The following TBC1D19 variants were observed in gnomAD, a reference collection of about 807,000 sequenced individuals.
TBC1D19 encodes TBC1 domain family, member 19.
TBC1D19 carries 60 observed loss-of-function variants against 89.0 expected under a neutral mutation model. That is an observed-to-expected ratio of 0.67 (90% CI 0.55 to 0.84). TBC1D19 has a LOEUF of 0.84. TBC1D19 is among the 40% of genes least tolerant of loss of function. TBC1D19 has a pLI of 0.00. For missense variants in TBC1D19, 500 were observed against 610.8 expected, an observed-to-expected ratio of 0.82 and a Z score of 1.91; for synonymous variants, 189 against 199.7, an observed-to-expected ratio of 0.95 and a Z score of 0.45.
the TBC1D19 span, among the ~76,000 whole-genome samples, chr4:26,821,028 C>T: frequency 4.6e-5 from 7 of 152,330 alleles, no homozygotes; most frequent in African/African-American, 1.7e-4. Flanking sequence ...ATCCCTCTGG[C>T]CCCTACACTG....
chr4:26,686,039 GA>G (rs1053510819), intron 12 of TBC1D19, among the ~76,000 whole-genome samples: 46 of 152,198 alleles, frequency 3.0e-4, no homozygotes, highest in African/African-American at 9.6e-4. Context: ...TTTTTAGGAA[GA>G]TATCTGTCTC....
chr4:26,733,895 A>T (rs1560503116), intron 15 of TBC1D19, among the ~76,000 whole-genome samples: 1 of 152,158 alleles, frequency 6.6e-6, no homozygotes, highest in Non-Finnish European at 1.5e-5. Flanking sequence ...TAGTCAGCTC[A>T]CTTTAAGGAC....
chr4:26,628,140 G>C (rs1367402118), intron 4 of TBC1D19, among the ~76,000 whole-genome samples: 12 of 152,144 alleles, frequency 7.9e-5, no homozygotes, highest in Non-Finnish European at 1.6e-4. Flanking sequence ...TTATTAAATA[G>C]GGAATCCTTT....
In TBC1D19 at chr4:26,614,473, T is replaced by G; in HGVS notation, c.218+20T>G. The stretch of plus-strand genomic sequence containing the variant: ...GAGTGTGTGAGTTTTCCCACCTATT[T>G]TACAATAGTATTTTGTTTAGCTATA... On this transcript the variant is annotated intron_variant, in intron 3 of 20. Coordinates refer to ENST00000264866, the MANE Select transcript of TBC1D19 (RefSeq NM_018317.4). 1 of 1,571,278 alleles carries G rather than the reference T, an allele frequency of 6.4e-7. No individual in the cohort carries two copies. Among genetic ancestry groups the G allele is most frequent in the Non-Finnish European group, 8.7e-7 (1 of 1,155,902 alleles).
the TBC1D19 span, among the ~76,000 whole-genome samples, chr4:26,776,559 A>C: frequency 6.6e-6 from 1 of 152,184 alleles, no homozygotes; most frequent in Non-Finnish European, 1.5e-5. Context: ...TATATTGAAT[A>C]CCCACCATCT....
chr4:26,703,960 CA>C (rs11453747), intron 13 of TBC1D19, among the ~76,000 whole-genome samples: 10 of 114,230 alleles, frequency 8.8e-5, no homozygotes, highest in African/African-American at 2.0e-4. Context: ...GACTCCGTCT[CA>C]AAAAAAAAAA....
chr4:26,680,593 T>C (rs1294076493), intron 11 of TBC1D19, among the ~76,000 whole-genome samples: 1 of 152,190 alleles, frequency 6.6e-6, no homozygotes, highest in Non-Finnish European at 1.5e-5. Context: ...AGTTAAGTAA[T>C]GCTGAGTTAA....
At chr4:26,648,986 T>G (rs1055766942) in intron 7 of TBC1D19, among the ~76,000 whole-genome samples, 2 of 152,080 alleles carry the variant, frequency 1.3e-5, no homozygotes, top group African/African-American at 4.8e-5. Context: ...AGTTTCTACA[T>G]TTCTAATATT....
At chr4:26,771,753 CA>C in the TBC1D19 span, among the ~76,000 whole-genome samples, 1 of 151,990 alleles carries the variant, frequency 6.6e-6, no homozygotes, top group Admixed American at 6.6e-5. Context: ...GTGCTATAGT[CA>C]ACAATACTGT....
chr4:26,786,554 A>G, the TBC1D19 span, among the ~76,000 whole-genome samples: 1 of 152,066 alleles, frequency 6.6e-6, no homozygotes, highest in Non-Finnish European at 1.5e-5. Flanking sequence ...CCTAAACTAG[A>G]AAAGGAGAAG....
At chr4:26,588,920 G>A (rs1739596788) in intron 1 of TBC1D19, among the ~76,000 whole-genome samples, 1 of 152,114 alleles carries the variant, frequency 6.6e-6, no homozygotes. Flanking sequence ...CTTACTGAGT[G>A]TAGGGGCTTC....
At chr4:26,700,664 ATTAG>A (rs1325193799) in intron 13 of TBC1D19, among the ~76,000 whole-genome samples, 1 of 152,172 alleles carries the variant, frequency 6.6e-6, no homozygotes, top group African/African-American at 2.4e-5. Context: ...CTCAAGAGTT[ATTAG>A]TTAGTGGGAT....
At chr4:26,709,633 G>A (rs2109237768) in intron 13 of TBC1D19, among the ~76,000 whole-genome samples, 1 of 152,012 alleles carries the variant, frequency 6.6e-6, no homozygotes, top group African/African-American at 2.4e-5. Context: ...GATTGGGGTG[G>A]GTGATGCATA....
At chr4:26,652,455 G>T (rs1744464173) in intron 7 of TBC1D19, among the ~76,000 whole-genome samples, 1 of 152,066 alleles carries the variant, frequency 6.6e-6, no homozygotes, top group African/African-American at 2.4e-5. Context: ...TCCCAGGCAG[G>T]TCTCGAACTC....
chr4:26,784,339 A>G, the TBC1D19 span, among the ~76,000 whole-genome samples: 1 of 152,126 alleles, frequency 6.6e-6, no homozygotes, highest in Non-Finnish European at 1.5e-5. Flanking sequence ...CTGGGTCTTT[A>G]CTACCATCTC....
At chr4:26,604,905 TAAA>T (rs965111883) in intron 1 of TBC1D19, among the ~76,000 whole-genome samples, 4 of 133,326 alleles carry the variant, frequency 3.0e-5, no homozygotes, top group East Asian at 2.3e-4. Context: ...ATAATAATAA[TAAA>T]AATGCTACTA....
chr4:26,706,081 T>G (rs1467250259), intron 13 of TBC1D19, among the ~76,000 whole-genome samples: 2 of 152,142 alleles, frequency 1.3e-5, no homozygotes, highest in Non-Finnish European at 2.9e-5. Context: ...CCCAGATCAA[T>G]TTTTTGAAAA....
At chr4:26,808,727 C>CA in the TBC1D19 span, among the ~76,000 whole-genome samples, 52,463 of 94,900 alleles carry the variant, frequency 0.55, 13,599 homozygotes, top group South Asian at 0.66. Flanking sequence ...GACTCTGTCT[C>CA]AAAAAAAAAA....
Position 26,681,310 on chromosome 4 carries a change from G to A in TBC1D19, c.817-2365G>A, listed in dbSNP as rs547013281. ...TCCCAGCACTTTGGGAGGCTGAGGC[G>A]GGCAGATCACCAGGTTCAGGAGATG... On this transcript the variant is annotated intron_variant, in intron 11 of 20. Coordinates refer to ENST00000264866, the MANE Select transcript of TBC1D19 (RefSeq NM_018317.4). Among the ~76,000 whole-genome samples the A allele has an allele frequency of 9.2e-5, 14 of 151,976 alleles. No homozygotes were observed. The South Asian group carries it at 2.7e-3, about 29-fold the overall frequency.
Sources: gnomAD v4.1 joint callset for allele counts (sites outside exome capture counted in the v4.1 genomes callset) on GRCh38, gnomAD v4.1.1 for gene constraint, MANE v1.5 for transcripts, NCBI Gene and HGNC (gene_info 2026-07-23, HGNC 2026-07-21) for gene names.